LARGE1: variants seen among roughly 807,000 people sequenced by gnomAD.
The protein encoded by LARGE1 is LARGE xylosyl- and glucuronyltransferase 1.
LARGE1 carries 43 observed loss-of-function variants against 87.6 expected under a neutral mutation model. The observed-to-expected ratio is 0.49, with a 90% CI of 0.38 to 0.63. LARGE1 has a LOEUF of 0.63. LARGE1 is among the 30% of genes least tolerant of loss of function. LARGE1 has a pLI of 0.00. For missense variants in LARGE1, 802 were observed against 1,000.2 expected (o/e 0.80, Z 2.67); for synonymous variants, 434 against 394.6 (o/e 1.10, Z -1.18).
At chr22:33,761,250 C>G in intron 2 of LARGE1, 121 bp downstream of exon 2, 1 of 876,142 alleles carries the variant, frequency 1.1e-6, no homozygotes, top group South Asian at 1.3e-5. Context: ...AGACAAGTCA[C>G]TTCCCATGAC....
chr22:33,268,233 C>T (rs1386862448), downstream of LARGE1, among the ~76,000 whole-genome samples: 3 of 151,020 alleles, frequency 2.0e-5, no homozygotes, highest in Non-Finnish European at 4.4e-5. Flanking sequence ...GGATTACAGG[C>T]GTGAGCCACC....
intron 6 of LARGE1, among the ~76,000 whole-genome samples, chr22:33,532,261 A>C (rs377456642): frequency 9.2e-5 from 14 of 152,312 alleles, no homozygotes; most frequent in Admixed American, 4.6e-4. Flanking sequence ...TCCCCACCTA[A>C]AACACCTGTT....
At chr22:33,849,592 C>T (rs1420095832) in intron 1 of LARGE1, among the ~76,000 whole-genome samples, 5 of 88,590 alleles carry the variant, frequency 5.6e-5, no homozygotes, top group Admixed American at 1.5e-4. Context: ...CTTTTCTTCT[C>T]TTTTTTTTTT....
At chr22:33,846,710 CA>C (rs2063441906) in intron 1 of LARGE1, among the ~76,000 whole-genome samples, 1 of 152,270 alleles carries the variant, frequency 6.6e-6, no homozygotes, top group South Asian at 2.1e-4. Flanking sequence ...AAACGGCCCC[CA>C]CTAGGTGTGC....
At chr22:33,204,214 C>T (rs2146216826) in intron 11 of LARGE1, among the ~76,000 whole-genome samples, 1 of 152,152 alleles carries the variant, frequency 6.6e-6, no homozygotes, top group African/African-American at 2.4e-5. Flanking sequence ...CTGGAGAGGG[C>T]TGAAAACGGA....
At chr22:33,309,827 G>A (rs1935364861) in intron 11 of LARGE1, among the ~76,000 whole-genome samples, 1 of 152,138 alleles carries the variant, frequency 6.6e-6, no homozygotes. Context: ...GTGAGGGGCA[G>A]GGGTGAGATG....
At chr22:33,082,465 C>T in the LARGE1 span, among the ~76,000 whole-genome samples, 1 of 152,122 alleles carries the variant, frequency 6.6e-6, no homozygotes, top group African/African-American at 2.4e-5. Context: ...GAGGTGTGAC[C>T]ATTCATTTCA....
intron 6 of LARGE1, among the ~76,000 whole-genome samples, chr22:33,552,395 C>T (rs1029240319): frequency 6.6e-6 from 1 of 152,098 alleles, no homozygotes; most frequent in African/African-American, 2.4e-5. Context: ...TCAGTCTCCA[C>T]ATGGGAGGGC....
At chr22:33,875,721 G>A (rs1465225328) in intron 1 of LARGE1, among the ~76,000 whole-genome samples, 3 of 152,210 alleles carry the variant, frequency 2.0e-5, no homozygotes, top group African/African-American at 7.2e-5. Flanking sequence ...TCGTTTAATT[G>A]GAAGTTTCCC....
At chr22:33,507,543 C>T (rs5994761) in intron 6 of LARGE1, among the ~76,000 whole-genome samples, 3,114 of 152,128 alleles carry the variant, frequency 0.02, 87 homozygotes, top group African/African-American at 0.059. Flanking sequence ...CTACCAGAAG[C>T]TGGGGGAGGG....
At chr22:33,434,057 C>T (rs2067178716) in intron 6 of LARGE1, among the ~76,000 whole-genome samples, 1 of 152,164 alleles carries the variant, frequency 6.6e-6, no homozygotes, top group Admixed American at 6.5e-5. Flanking sequence ...AACACCAATT[C>T]AGGGAGTATA....
chr22:33,837,544 A>G (rs1401076476), intron 1 of LARGE1, among the ~76,000 whole-genome samples: 1 of 152,182 alleles, frequency 6.6e-6, no homozygotes, highest in Non-Finnish European at 1.5e-5. Flanking sequence ...AAACAGAGAA[A>G]AAGCAAGCAG....
intron 10 of LARGE1, among the ~76,000 whole-genome samples, chr22:33,329,438 G>T (rs190175326): frequency 1.8e-4 from 27 of 148,976 alleles, no homozygotes; most frequent in African/African-American, 6.3e-4. Flanking sequence ...TTTTTTTTGT[G>T]GGGGGAAGGG....
intron 2 of LARGE1, among the ~76,000 whole-genome samples, chr22:33,699,862 T>G (rs1188606397): frequency 6.6e-6 from 1 of 152,202 alleles, no homozygotes; most frequent in African/African-American, 2.4e-5. Context: ...GGAAAAAAAT[T>G]GAAAAACAAG....
intron 7 of LARGE1, among the ~76,000 whole-genome samples, chr22:33,390,795 G>A (rs2065490203): frequency 1.3e-5 from 2 of 151,394 alleles, no homozygotes; most frequent in South Asian, 4.2e-4. Flanking sequence ...CCAGGTTTAA[G>A]CCATTCTTGT....
chr22:33,844,031 A>G (rs986363457), intron 1 of LARGE1, among the ~76,000 whole-genome samples: 4 of 150,136 alleles, frequency 2.7e-5, no homozygotes, highest in Non-Finnish European at 1.5e-5. Context: ...GTGAGCCGAG[A>G]TGGTGCCACT....
intron 6 of LARGE1, among the ~76,000 whole-genome samples, chr22:33,443,072 G>T (rs868591289): frequency 3.3e-5 from 5 of 152,142 alleles, no homozygotes; most frequent in Non-Finnish European, 4.4e-5. Flanking sequence ...GATTACAGAC[G>T]TGAGCCACTG....
intron 6 of LARGE1, among the ~76,000 whole-genome samples, chr22:33,473,678 C>G (rs1161420115): frequency 6.6e-6 from 1 of 152,190 alleles, no homozygotes; most frequent in African/African-American, 2.4e-5. Flanking sequence ...CTCCTGACCT[C>G]AGGTGATCCA....
intron 1 of LARGE1, among the ~76,000 whole-genome samples, chr22:33,897,486 T>C (rs956649794): frequency 2.6e-5 from 4 of 152,110 alleles, no homozygotes; most frequent in African/African-American, 9.7e-5. Context: ...CTAGTAAGGC[T>C]GGCTATCAGG....
Sources: gnomAD v4.1 joint callset for allele counts (sites outside exome capture counted in the v4.1 genomes callset) on GRCh38, gnomAD v4.1.1 for gene constraint, MANE v1.5 for transcripts, NCBI Gene and HGNC (gene_info 2026-07-23, HGNC 2026-07-21) for gene names.